MAST3: variants seen among roughly 807,000 people sequenced by gnomAD.
MAST3 encodes the protein microtubule-associated serine/threonine-protein kinase 3.
Under a neutral mutation model 127.0 loss-of-function variants are expected in MAST3, and 43 were observed. That is an observed-to-expected ratio of 0.34 (90% CI 0.27 to 0.44). The LOEUF (loss-of-function observed/expected upper bound fraction) is 0.44, where lower values mean the gene tolerates loss of function less well. MAST3 is among the 20% of genes least tolerant of loss of function. The pLI is 1.00. For synonymous variants in MAST3, 785 were observed against 809.2 expected (o/e 0.97, Z 0.51); for missense variants, 1,390 against 1,919.1 (o/e 0.72, Z 5.15).
intron 3 of MAST3, 89 bp from the exon 4 acceptor site, chr19:18,121,596 A>G: frequency 8.9e-7 from 1 of 1,119,888 alleles, no homozygotes; most frequent in South Asian, 1.3e-5. Flanking sequence ...CCTTCTCCAG[A>G]ACGGGCTGCG....
intron 3 of MAST3, among the ~76,000 whole-genome samples, chr19:18,116,288 T>C (rs1268819500): frequency 6.7e-6 from 1 of 150,286 alleles, no homozygotes; most frequent in Non-Finnish European, 1.5e-5. Context: ...TTCTTTTATT[T>C]TTTATTTTTT....
At chr19:18,138,945 G>A (rs1158105071) in intron 19 of MAST3, 70 bp from the exon 20 acceptor site, 18 of 1,055,044 alleles carry the variant, frequency 1.7e-5, no homozygotes, top group Middle Eastern at 2.0e-4. Flanking sequence ...TGCCCTCCCC[G>A]TATTGCCACA....
chr19:18,120,650 C>T (rs1206382375), intron 3 of MAST3, among the ~76,000 whole-genome samples: 4 of 152,218 alleles, frequency 2.6e-5, no homozygotes, highest in Admixed American at 2.6e-4. Context: ...GATTCTCTGC[C>T]CCAGCCTCCT....
At chr19:18,147,763 G>T (rs1469414902) in intron 27 of MAST3, 139 bp downstream of exon 27, 2 of 671,390 alleles carry the variant, frequency 3.0e-6, no homozygotes, top group Non-Finnish European at 5.0e-6. Context: ...TGTCTAGCAG[G>T]GAACCTGGGA....
rs370099564 is a variant in MAST3 at position 18,141,377 on chromosome 19, C to CTTTTT, written c.2206-496_2206-492dup. 7.3e-5 allele frequency among the ~76,000 whole-genome samples: 9 copies of CTTTTT among 122,772 alleles called. 3 individuals are homozygous for CTTTTT. The highest frequency in any genetic ancestry group is 4.6e-4 in the Admixed American group (5 of 10,960). 80.5% of individuals were successfully genotyped at this position (122,772 alleles called of 152,430 possible). On this transcript the variant is annotated intron_variant, in intron 20 of 27. Coordinates refer to ENST00000687212, the MANE Select transcript of MAST3 (RefSeq NM_001393504.1). ...GGAATCACTGGACTAAGCCAGCTTT[C>CTTTTT]TTTTTTTTTTTTTGAAACAGAGTCT...
intron 3 of MAST3, among the ~76,000 whole-genome samples, chr19:18,120,340 GGT>G (rs1463002195): frequency 2.6e-5 from 4 of 152,100 alleles, no homozygotes; most frequent in Admixed American, 1.3e-4. Flanking sequence ...TGGGCTCCAG[GGT>G]GTGTTTGGTT....
intron 3 of MAST3, chr19:18,118,083 C>G (rs1236635240): frequency 8.1e-6 from 8 of 985,188 alleles, no homozygotes; most frequent in Non-Finnish European, 8.4e-6. Context: ...CTGTCCGGCT[C>G]CGCGGGGCTC....
At chr19:18,111,257 G>C (rs1400019703) in intron 3 of MAST3, among the ~76,000 whole-genome samples, 1 of 150,798 alleles carries the variant, frequency 6.6e-6, no homozygotes, top group Non-Finnish European at 1.5e-5. Context: ...GCTCAGAGAG[G>C]AGATGCCAGT....
intron 20 of MAST3, among the ~76,000 whole-genome samples, chr19:18,141,023 T>G (rs1599869092): frequency 6.6e-6 from 1 of 151,800 alleles, no homozygotes; most frequent in South Asian, 2.1e-4. Context: ...CAAACTCCTG[T>G]CCTCAAGCGA....
chr19:18,122,261 G>GC (rs2040083378), intron 5 of MAST3: 1 of 404,166 alleles, frequency 2.5e-6, no homozygotes, highest in South Asian at 1.0e-4. Flanking sequence ...CCAGACGCTT[G>GC]CATTTCATTT....
chr19:18,124,824 G>C (rs754941449), intron 11 of MAST3, 50 bp downstream of exon 11: 5 of 1,540,416 alleles, frequency 3.2e-6, no homozygotes, highest in Non-Finnish European at 4.4e-6. Context: ...GCCGGATGGA[G>C]GCCAGGCACG....
intron 27 of MAST3, among the ~76,000 whole-genome samples, chr19:18,148,915 T>C (rs2147896520): frequency 6.7e-6 from 1 of 149,424 alleles, no homozygotes; most frequent in South Asian, 2.1e-4. Flanking sequence ...AAAAAAAAAT[T>C]AGCCAGCCAT....
chr19:18,135,589 G>T, intron 17 of MAST3, 151 bp from the exon 18 acceptor site: 4 of 609,654 alleles, frequency 6.6e-6, no homozygotes, highest in Non-Finnish European at 8.9e-6. Context: ...GGCAAAGGCT[G>T]TCAGTGGGTA....
Position 18,147,149 on chromosome 19 carries a change from G to C in MAST3, c.3326+105G>C. 3.5e-6 allele frequency: 4 copies of C among 1,147,210 alleles called. No homozygotes were observed. The South Asian group carries it at 6.8e-5, about 19-fold the overall frequency. 71.1% of individuals were successfully genotyped at this position (1,147,210 alleles called of 1,614,324 possible). ...GACAGAGTCTTGCTCTGTTGCCCAGGCTGGAGTGCAGTGGCTCAATCTCGG... is the reference window on the plus strand; with the variant it reads ...GACAGAGTCTTGCTCTGTTGCCCAGCCTGGAGTGCAGTGGCTCAATCTCGG... On this transcript the variant is annotated intron_variant, in intron 26 of 27. Transcript: ENST00000687212.
chr19:18,127,631 C>G lies in MAST3; in HGVS notation c.1079-769C>G, dbSNP rs539400636. Among the ~76,000 whole-genome samples the G allele has an allele frequency of 1.1e-4, 16 of 152,240 alleles. No homozygotes were observed. The East Asian group carries it at 3.1e-3, about 29-fold the overall frequency. ...CTCAGGTGGTGGAGGTTGCAGTGAG[C>G]CAAGATCTCGCCACTGCACTCCAGC... On this transcript the variant is annotated intron_variant, in intron 11 of 27. Transcript: ENST00000687212.
chr19:18,137,452 C>G, intron 19 of MAST3, 91 bp downstream of exon 19: 3 of 1,408,380 alleles, frequency 2.1e-6, no homozygotes, highest in Non-Finnish European at 2.9e-6. Context: ...GGCATTCCAC[C>G]CGAGCTTGGC....
intron 3 of MAST3, 111 bp from the exon 4 acceptor site, chr19:18,121,574 C>A: frequency 1.0e-6 from 1 of 956,932 alleles, no homozygotes; most frequent in Non-Finnish European, 1.6e-6. Flanking sequence ...GTGGCCATGT[C>A]CAACATCCCA....
Position 18,132,133 on chromosome 19 carries a change from C to T in MAST3, c.1571+86C>T, listed in dbSNP as rs3746189. On this transcript the variant is annotated intron_variant, in intron 15 of 27. Transcript: ENST00000687212. ...GGGGCCAAAGAGGATCAGGGCAGAG[C>T]CTCTGAGGTGCATCCCGGGACCCTT... 68 of 1,550,998 alleles carry T rather than the reference C, an allele frequency of 4.4e-5. No individual in the cohort carries two copies. The East Asian group carries it at 1.5e-3, about 34-fold the overall frequency.
chr19:18,100,282 C>A (rs948943230), intron 1 of MAST3, among the ~76,000 whole-genome samples: 1 of 151,938 alleles, frequency 6.6e-6, no homozygotes, highest in Non-Finnish European at 1.5e-5. Context: ...CATGTCACCA[C>A]GCCCGGCTAA....
Sources: gnomAD v4.1 joint callset for allele counts (sites outside exome capture counted in the v4.1 genomes callset) on GRCh38, gnomAD v4.1.1 for gene constraint, MANE v1.5 for transcripts, NCBI Gene and HGNC (gene_info 2026-07-23, HGNC 2026-07-21) for gene names.